The following ADCY2 variants were observed in gnomAD, a reference collection of about 807,000 sequenced individuals.
The protein encoded by ADCY2 is adenylate cyclase type 2.
In ADCY2, 31 loss-of-function variants were observed where a neutral mutation model predicts 125.2. That is an observed-to-expected ratio of 0.25 (90% CI 0.19 to 0.33). ADCY2 has a LOEUF of 0.33. Ranked by LOEUF, ADCY2 falls within the 10% of genes least tolerant of loss-of-function variation. The pLI is 1.00. For synonymous variants in ADCY2, 512 were observed against 548.4 expected (o/e 0.93, Z 0.93); for missense variants, 904 against 1,418.2 (o/e 0.64, Z 5.82).
intron 3 of ADCY2, among the ~76,000 whole-genome samples, chr5:7,606,769 G>A (rs1727156913): frequency 6.6e-6 from 1 of 152,100 alleles, no homozygotes; most frequent in Non-Finnish European, 1.5e-5. Flanking sequence ...TGGAATATTT[G>A]CTATTTGCTT....
intron 14 of ADCY2, among the ~76,000 whole-genome samples, chr5:7,742,313 T>G (rs1314875828): frequency 6.6e-6 from 1 of 152,122 alleles, no homozygotes; most frequent in Non-Finnish European, 1.5e-5. Context: ...TTACTCATCT[T>G]TGTGTCAGAA....
intron 2 of ADCY2, among the ~76,000 whole-genome samples, chr5:7,454,661 A>G (rs1741603545): frequency 3.3e-5 from 5 of 152,200 alleles, no homozygotes; most frequent in Admixed American, 3.3e-4. Flanking sequence ...TTAACATGCA[A>G]TGAAGGAAAC....
rs185696794 is a variant in ADCY2, at chr5:7,666,426, G to A, written c.721-24265G>A. On this transcript the variant is annotated intron_variant, in intron 4 of 24. Transcript: ENST00000338316. The stretch of plus-strand genomic sequence containing the variant: ...TGGGACTACAGGCGCCCGCCACCAC[G>A]CCCGGCTAATTTTTTATATTTTTAG... Among the ~76,000 whole-genome samples the A allele has an allele frequency of 1.8e-3, 267 of 151,828 alleles. 1 individual carries two copies. The highest frequency in any genetic ancestry group is 5.5e-3 in the African/African-American group (226 of 41,392).
At chr5:7,692,979 C>A (rs1298915374) in intron 5 of ADCY2, among the ~76,000 whole-genome samples, 1 of 152,164 alleles carries the variant, frequency 6.6e-6, no homozygotes, top group Admixed American at 6.5e-5. Flanking sequence ...TCAAGCACAG[C>A]ACAACCAAAG....
chr5:7,807,206 C>A (rs1261544483), intron 22 of ADCY2, among the ~76,000 whole-genome samples: 1 of 152,226 alleles, frequency 6.6e-6, no homozygotes, highest in African/African-American at 2.4e-5. Context: ...CTGACCCTAA[C>A]TCTGCCTCCA....
intron 15 of ADCY2, among the ~76,000 whole-genome samples, chr5:7,748,218 G>A (rs549922497): frequency 1.3e-5 from 2 of 152,246 alleles, no homozygotes; most frequent in South Asian, 2.1e-4. Context: ...GCAGGAGGGC[G>A]GGTTCTATGT....
intron 3 of ADCY2, among the ~76,000 whole-genome samples, chr5:7,621,889 A>G (rs180789545): frequency 2.0e-5 from 3 of 152,308 alleles, no homozygotes; most frequent in Non-Finnish European, 4.4e-5. Context: ...GCACGGTTCC[A>G]CTTACACAGA....
chr5:7,756,368 A>G (rs908380340), intron 15 of ADCY2, among the ~76,000 whole-genome samples: 1 of 152,212 alleles, frequency 6.6e-6, no homozygotes, highest in Non-Finnish European at 1.5e-5. Flanking sequence ...TCTTGTATCA[A>G]AAAAGTTTCC....
chr5:7,648,562 G>C (rs1290789412), intron 4 of ADCY2, among the ~76,000 whole-genome samples: 2 of 152,020 alleles, frequency 1.3e-5, no homozygotes, highest in Admixed American at 6.6e-5. Flanking sequence ...AAAAAGCCAG[G>C]GTCTCCTAAT....
At chr5:7,503,379 G>A (rs1287389621) in intron 2 of ADCY2, among the ~76,000 whole-genome samples, 1 of 152,172 alleles carries the variant, frequency 6.6e-6, no homozygotes, top group Non-Finnish European at 1.5e-5. Flanking sequence ...AAGTAGAGGT[G>A]ACAATGAGAA....
At chr5:7,724,650 T>G (rs1397243949) in intron 13 of ADCY2, 36 bp downstream of exon 13, 1 of 1,427,972 alleles carries the variant, frequency 7.0e-7, no homozygotes, top group Non-Finnish European at 9.7e-7. Flanking sequence ...ATCAATCGAG[T>G]TTTCTGAAAT....
intron 4 of ADCY2, among the ~76,000 whole-genome samples, chr5:7,649,972 C>T (rs888256329): frequency 2.0e-5 from 3 of 152,040 alleles, no homozygotes; most frequent in African/African-American, 7.2e-5. Flanking sequence ...GTTCTACCTT[C>T]AAAGTAAACC....
chr5:7,454,476 C>T (rs1007042137), intron 2 of ADCY2, among the ~76,000 whole-genome samples: 1 of 152,146 alleles, frequency 6.6e-6, no homozygotes, highest in South Asian at 2.1e-4. Context: ...AAACTGTTTT[C>T]AGATGTTTTA....
At chr5:7,610,009 A>G (rs1041708865) in intron 3 of ADCY2, among the ~76,000 whole-genome samples, 8 of 152,212 alleles carry the variant, frequency 5.3e-5, no homozygotes, top group African/African-American at 1.9e-4. Flanking sequence ...GAGCTGAGAC[A>G]GGGCATGAAT....
intron 4 of ADCY2, among the ~76,000 whole-genome samples, chr5:7,633,950 C>G (rs1225644451): frequency 6.6e-6 from 1 of 152,112 alleles, no homozygotes; most frequent in Non-Finnish European, 1.5e-5. Flanking sequence ...TCATTTGATA[C>G]CAGTAAAATA....
intron 4 of ADCY2, among the ~76,000 whole-genome samples, chr5:7,640,396 A>C (rs2086396821): frequency 6.6e-6 from 1 of 152,148 alleles, no homozygotes; most frequent in African/African-American, 2.4e-5. Context: ...AAAAGATATG[A>C]GTGGAATTGT....
intron 2 of ADCY2, among the ~76,000 whole-genome samples, chr5:7,416,696 A>C (rs1203348363): frequency 6.6e-6 from 1 of 152,176 alleles, no homozygotes; most frequent in Middle Eastern, 3.2e-3. Context: ...AACATTGACC[A>C]ATTAGAAAAG....
chr5:7,540,896 C>T (rs1387736279), intron 3 of ADCY2, among the ~76,000 whole-genome samples: 1 of 152,162 alleles, frequency 6.6e-6, no homozygotes, highest in African/African-American at 2.4e-5. Flanking sequence ...GATGAAAAGG[C>T]ACTCGAGGAC....
At chr5:7,671,433 C>A (rs536186785) in intron 4 of ADCY2, among the ~76,000 whole-genome samples, 1 of 152,134 alleles carries the variant, frequency 6.6e-6, no homozygotes, top group Non-Finnish European at 1.5e-5. Flanking sequence ...CAATGATGCT[C>A]GAGTGAGCAT....
Sources: allele counts gnomAD v4.1 joint callset (sites outside exome capture counted in the v4.1 genomes callset), GRCh38; gene constraint gnomAD v4.1.1; transcripts MANE v1.5; gene names NCBI Gene and HGNC (gene_info 2026-07-23, HGNC 2026-07-21).